The following MSI2 variants were observed in gnomAD, a reference collection of about 807,000 sequenced individuals.
MSI2 encodes RNA-binding protein Musashi homolog 2.
MSI2 carries 17 observed loss-of-function variants against 45.6 expected under a neutral mutation model. That is an observed-to-expected ratio of 0.37 (90% confidence interval 0.26 to 0.56). The LOEUF is 0.56. MSI2 is among the 20% of genes least tolerant of loss of function. The pLI is 0.77. For synonymous variants in MSI2, 156 were observed against 158.2 expected, an observed-to-expected ratio of 0.99 and a Z score of 0.11; for missense variants, 293 against 444.2, an observed-to-expected ratio of 0.66 and a Z score of 3.06.
intron 6 of MSI2, among the ~76,000 whole-genome samples, chr17:57,521,296 G>A (rs1348483416): frequency 6.6e-6 from 1 of 152,190 alleles, no homozygotes; most frequent in Non-Finnish European, 1.5e-5. Flanking sequence ...GCCCCTGCCG[G>A]CTCTAGGACA....
At chr17:57,514,918 C>T (rs1038358212) in intron 6 of MSI2, among the ~76,000 whole-genome samples, 3 of 152,130 alleles carry the variant, frequency 2.0e-5, no homozygotes, top group African/African-American at 7.2e-5. Flanking sequence ...TACCCCACCC[C>T]AAACCACATA....
intron 6 of MSI2, among the ~76,000 whole-genome samples, chr17:57,434,005 C>T (rs1040334851): frequency 5.3e-5 from 8 of 152,214 alleles, no homozygotes; most frequent in South Asian, 2.1e-4. Flanking sequence ...ATGTTTGTTT[C>T]GATACATGTA....
intron 10 of MSI2, among the ~76,000 whole-genome samples, chr17:57,642,990 A>T (rs1039973844): frequency 6.6e-6 from 1 of 152,058 alleles, no homozygotes; most frequent in African/African-American, 2.4e-5. Context: ...GACACAAACT[A>T]CCTACTGCAG....
At chr17:57,688,832 A>G (rs1427907901), downstream of MSI2, among the ~76,000 whole-genome samples, 1 of 152,178 alleles carries the variant, frequency 6.6e-6, no homozygotes, top group Non-Finnish European at 1.5e-5. Context: ...GACATGCTGA[A>G]AAATATATGT....
chr17:57,408,924 C>A (rs1405056146), intron 6 of MSI2, among the ~76,000 whole-genome samples: 1 of 145,946 alleles, frequency 6.9e-6, no homozygotes, highest in African/African-American at 2.5e-5. Flanking sequence ...TTACACAGGT[C>A]CTGTATGCTT....
chr17:57,285,184 G>A (rs1344119208), intron 5 of MSI2, among the ~76,000 whole-genome samples: 1 of 152,186 alleles, frequency 6.6e-6, no homozygotes, highest in Non-Finnish European at 1.5e-5. Flanking sequence ...GGCACATACT[G>A]TTTTCAAGGT....
rs574167789 is a variant in MSI2 at position 57,262,183 on chromosome 17, G to A, written c.303G>A (p.Ala101=). The change falls in exon 5 of 14, where the codon GCG becomes GCA. Residue 101 remains alanine (A), a synonymous_variant. Coordinates refer to ENST00000284073, the MANE Select transcript of MSI2 (RefSeq NM_138962.4). ...CCAAAGTTGCATTTCCTCGTCGAGC[G>A]CAACCCAAGGTAAGTAGGAGAATAA... ...IDPKVAFPRR[A]QPKMVTRTKK... The A allele has an allele frequency of 6.8e-5, 110 of 1,613,682 alleles. No individual in the cohort carries two copies. In the Middle Eastern group the frequency reaches 1.3e-3, roughly 19 times the overall value.
chr17:57,327,494 T>C (rs1913896764), intron 5 of MSI2, among the ~76,000 whole-genome samples: 1 of 152,244 alleles, frequency 6.6e-6, no homozygotes, highest in African/African-American at 2.4e-5. Context: ...TTCTTCCAGC[T>C]GACCATGTGA....
chr17:57,624,008 G>A (rs1414584044), intron 9 of MSI2, among the ~76,000 whole-genome samples: 1 of 152,222 alleles, frequency 6.6e-6, no homozygotes, highest in Non-Finnish European at 1.5e-5. Flanking sequence ...TAGTATTGAT[G>A]TGTCCAGGAA....
chr17:57,588,751 G>A (rs1417244144), intron 7 of MSI2, among the ~76,000 whole-genome samples: 2 of 152,182 alleles, frequency 1.3e-5, no homozygotes, highest in African/African-American at 2.4e-5. Context: ...CTATTTCATA[G>A]ATGTTCTTAC....
chr17:57,628,439 T>C (rs1242250407), intron 10 of MSI2: 1 of 152,138 alleles, frequency 6.6e-6, no homozygotes, highest in Non-Finnish European at 1.5e-5. Flanking sequence ...GAGGAGGCAT[T>C]TGGGGGCACC....
intron 6 of MSI2, among the ~76,000 whole-genome samples, chr17:57,455,099 T>C (rs1206706101): frequency 6.6e-6 from 1 of 152,200 alleles, no homozygotes; most frequent in Non-Finnish European, 1.5e-5. Flanking sequence ...GCGTGGGAGA[T>C]GCTCAGTGAC....
chr17:57,277,954 T>C (rs1404504595), intron 5 of MSI2: 1 of 152,340 alleles, frequency 6.6e-6, no homozygotes, highest in African/African-American at 2.4e-5. Context: ...ACGCCTACAC[T>C]CTAGGAGGTA....
intron 5 of MSI2, among the ~76,000 whole-genome samples, chr17:57,370,434 C>A (rs935471080): frequency 4.6e-5 from 7 of 152,098 alleles, no homozygotes; most frequent in African/African-American, 1.7e-4. Context: ...TTTGGAAAGG[C>A]CTTTTGCCTT....
chr17:57,268,883 T>C (rs1350038142), intron 5 of MSI2, among the ~76,000 whole-genome samples: 1 of 152,146 alleles, frequency 6.6e-6, no homozygotes, highest in Non-Finnish European at 1.5e-5. Flanking sequence ...CCTTAGCCCT[T>C]ACTTCTGCAC....
At chr17:57,379,320 C>T (rs1227258424) in intron 5 of MSI2, among the ~76,000 whole-genome samples, 1 of 148,718 alleles carries the variant, frequency 6.7e-6, no homozygotes, top group Admixed American at 6.7e-5. Context: ...AGTTTTCCCT[C>T]CCGCCCACCC....
intron 5 of MSI2, among the ~76,000 whole-genome samples, chr17:57,380,404 C>T (rs765963338): frequency 6.6e-6 from 1 of 152,106 alleles, no homozygotes; most frequent in Non-Finnish European, 1.5e-5. Flanking sequence ...GGTTTCTAAG[C>T]GGCGGCTTCT....
chr17:57,689,467 A>G (rs554267870), downstream of MSI2, among the ~76,000 whole-genome samples: 8 of 152,300 alleles, frequency 5.3e-5, no homozygotes, highest in South Asian at 1.4e-3. Context: ...AGCGCTAAAT[A>G]CAACAGTTTC....
At chr17:57,699,182 A>AGT in the MSI2 span, among the ~76,000 whole-genome samples, 60 of 25,080 alleles carry the variant, frequency 2.4e-3, 15 homozygotes, top group South Asian at 7.6e-3. Context: ...AGAGAGAGAG[A>AGT]GTGTGTGTGT....
Sources: gnomAD v4.1 joint callset for allele counts (sites outside exome capture counted in the v4.1 genomes callset) on GRCh38, gnomAD v4.1.1 for gene constraint, MANE v1.5 for transcripts, NCBI Gene and HGNC (gene_info 2026-07-23, HGNC 2026-07-21) for gene names.